ZNF510: variants seen among roughly 807,000 people sequenced by gnomAD.
ZNF510 encodes the protein zinc finger protein 510.
Under a neutral mutation model 18.1 loss-of-function variants are expected in ZNF510, and 15 were observed. The observed-to-expected ratio is 0.83, with a 90% CI of 0.55 to 1.28. The LOEUF (loss-of-function observed/expected upper bound fraction) is 1.28. Among genes scored for constraint, ZNF510 ranks in the 50% most tolerant of loss-of-function variants. ZNF510 has a pLI of 0.00. For missense variants in ZNF510, 724 were observed against 791.8 expected (o/e 0.91, Z 1.03); for synonymous variants, 261 against 266.4 (o/e 0.98, Z 0.20).
chr9:96,760,940 CATT>C lies in ZNF510; in HGVS notation c.353-466_353-464del, dbSNP rs201506970. On this transcript the variant is annotated intron_variant, in intron 5 of 5. Transcript: ENST00000223428. ...AAGTAAATTACAGTCTAGGTCTTGA[CATT>C]ATCTAGATTATAATGGTTAGAATAG... Among the ~76,000 whole-genome samples the C allele has an allele frequency of 5.2e-3, 796 of 152,212 alleles. 10 individuals carry two copies. Among genetic ancestry groups the C allele is most frequent in the African/African-American group, 0.017 (700 of 41,524 alleles).
At chr9:96,768,689 G>T (rs565229967) in intron 3 of ZNF510, among the ~76,000 whole-genome samples, 1 of 152,236 alleles carries the variant, frequency 6.6e-6, no homozygotes, top group South Asian at 2.1e-4. Flanking sequence ...GAAGAAATCA[G>T]AGGACCCAAA....
chr9:96,770,613 ATAT>A (rs1275111936), intron 3 of ZNF510, among the ~76,000 whole-genome samples: 1 of 125,908 alleles, frequency 7.9e-6, no homozygotes, highest in African/African-American at 4.5e-5. Flanking sequence ...CAAAAAAAAA[ATAT>A]ATATATATAT....
intron 3 of ZNF510, among the ~76,000 whole-genome samples, chr9:96,769,018 A>G (rs1291014814): frequency 1.3e-5 from 2 of 152,256 alleles, no homozygotes; most frequent in Admixed American, 1.3e-4. Context: ...CTGAGAGCCC[A>G]GAAATAAACC....
intron 3 of ZNF510, among the ~76,000 whole-genome samples, chr9:96,770,612 A>ATAT (rs1491249123): frequency 2.2e-5 from 3 of 133,770 alleles, no homozygotes; most frequent in Non-Finnish European, 1.5e-5. Flanking sequence ...TCAAAAAAAA[A>ATAT]ATATATATAT....
chr9:96,770,445 T>C (rs1040292874), intron 3 of ZNF510, among the ~76,000 whole-genome samples: 7 of 134,190 alleles, frequency 5.2e-5, no homozygotes, highest in Non-Finnish European at 1.1e-4. Context: ...AAAAAAAAAA[T>C]AGAAAAATTA....
At position 96,778,065 on chromosome 9, in the gene ZNF510, C is replaced by CT. The variant is rs1368700017; in HGVS notation, c.-209dup. Reference sequence around the variant, plus strand: ...TGCGAACCCTCTGCACCAGCAAACACTAACAGGGAGAAGCCGGAAAGTGGG... The same window carrying CT: ...TGCGAACCCTCTGCACCAGCAAACACTTAACAGGGAGAAGCCGGAAAGTGGG... On this transcript the variant is annotated 5_prime_UTR_variant, in exon 1 of 6. Transcript: ENST00000223428. 1 of 152,324 alleles carries CT rather than the reference C, an allele frequency of 6.6e-6. No individual in the cohort carries two copies. The highest frequency in any genetic ancestry group is 6.5e-5 in the Admixed American group (1 of 15,286). The allele number at this position is 152,324 out of a possible 1,614,324, so 9.4% of individuals were successfully genotyped here.
At chr9:96,764,628 G>A (rs112719549) in intron 3 of ZNF510, among the ~76,000 whole-genome samples, 2,806 of 151,932 alleles carry the variant, frequency 0.018, 79 homozygotes, top group African/African-American at 0.063. Flanking sequence ...CCATTCTCTG[G>A]ACTAAATAAT....
intron 3 of ZNF510, among the ~76,000 whole-genome samples, chr9:96,767,514 G>A (rs1849500890): frequency 6.6e-6 from 1 of 151,844 alleles, no homozygotes; most frequent in Non-Finnish European, 1.5e-5. Context: ...TATCCTAATT[G>A]TATACTTTAA....
intron 2 of ZNF510, 137 bp from the exon 3 acceptor site, chr9:96,774,983 C>T: frequency 1.5e-6 from 1 of 647,630 alleles, no homozygotes; most frequent in South Asian, 2.0e-5. Context: ...ACAAGCAGCA[C>T]TACAGAGAAA....
chr9:96,760,656 A>G (rs964418425), intron 5 of ZNF510, among the ~76,000 whole-genome samples, 179 bp from the exon 6 acceptor site: 1 of 152,260 alleles, frequency 6.6e-6, no homozygotes, highest in Middle Eastern at 3.4e-3. Flanking sequence ...TAATATTGAT[A>G]TAGTGCAAAT....
intron 3 of ZNF510, among the ~76,000 whole-genome samples, chr9:96,773,253 G>C (rs1849620927): frequency 6.6e-6 from 1 of 152,100 alleles, no homozygotes. Context: ...AATCCATCCA[G>C]TTACACACTT....
rs1306956641 is a variant in ZNF510 at position 96,755,329 on chromosome 9, C to T, written c.*3449G>A. On this transcript the variant is annotated 3_prime_UTR_variant, in exon 6 of 6. Transcript: ENST00000223428. The stretch of plus-strand genomic sequence containing the variant: ...TAAAAAAAGTTTAAAGACAGACTTG[C>T]TTTATATTAGGAAGTATTACAAAAA... Among the ~76,000 whole-genome samples the T allele has an allele frequency of 1.3e-5, 2 of 152,150 alleles. No individual in the cohort carries two copies. The highest frequency in any genetic ancestry group is 4.8e-5 in the African/African-American group (2 of 41,444).
intron 3 of ZNF510, among the ~76,000 whole-genome samples, chr9:96,771,327 A>G (rs1328286802): frequency 6.6e-6 from 1 of 152,140 alleles, no homozygotes; most frequent in Non-Finnish European, 1.5e-5. Flanking sequence ...AACATTGATA[A>G]ATCTATCAAT....
rs754036830 is a variant in ZNF510 at position 96,759,940 on chromosome 9, AAG to A, written c.888_889del (p.Phe297Ter). The A allele has an allele frequency of 2.5e-5, 41 of 1,613,296 alleles. No homozygotes were observed. The highest frequency in any genetic ancestry group is 3.3e-5 in the Non-Finnish European group (39 of 1,179,974). Reference sequence around the variant, plus strand: ...CCCTGTGCCAGTTCTCCTGTGGTCAAAGAGAGTTTTCTTATCACAATTTTTCC... The same window carrying A: ...CCCTGTGCCAGTTCTCCTGTGGTCAAAGAGTTTTCTTATCACAATTTTTCC... On this transcript the variant is annotated frameshift_variant, in exon 6 of 6. Transcript: ENST00000223428. LOFTEE classifies it low-confidence loss of function (END_TRUNC).
At chr9:96,768,501 C>T (rs889027843) in intron 3 of ZNF510, among the ~76,000 whole-genome samples, 2 of 152,102 alleles carry the variant, frequency 1.3e-5, no homozygotes, top group Admixed American at 6.5e-5. Context: ...TAAATGAATT[C>T]ATCAAAATTG....
rs551373832 is a variant in ZNF510, at chr9:96,756,999, G to C, written c.*1779C>G. 1 of 152,320 alleles carries C rather than the reference G, an allele frequency of 6.6e-6. No homozygotes were observed. The highest frequency in any genetic ancestry group is 1.9e-4 in the East Asian group (1 of 5,178). 9.4% of individuals were successfully genotyped at this position (152,320 alleles called of 1,614,324 possible). A position where few individuals can be genotyped will look rare whatever the true frequency, so the allele number is the denominator to read the frequency against. On this transcript the variant is annotated 3_prime_UTR_variant, in exon 6 of 6. Coordinates refer to ENST00000223428, the MANE Select transcript of ZNF510 (RefSeq NM_014930.3). ...ACTTTCAGATGTAAACATAACTGTA[G>C]TATACTCTACTGGCCCAAAGTACCT... is the stretch of plus-strand genomic sequence containing the variant.
chr9:96,763,428 T>C (rs745722867), intron 4 of ZNF510, 78 bp downstream of exon 4: 135 of 1,487,718 alleles, frequency 9.1e-5, no homozygotes, highest in Non-Finnish European at 1.2e-4. Context: ...TTAAGTAAAT[T>C]GTTCACATGT....
At chr9:96,760,707 T>C (rs1336145698) in intron 5 of ZNF510, among the ~76,000 whole-genome samples, 3 of 151,980 alleles carry the variant, frequency 2.0e-5, no homozygotes, top group Non-Finnish European at 2.9e-5. Context: ...TTGCATGTGA[T>C]TAGTAAGATT....
In ZNF510 at chr9:96,759,198, G is replaced by T. The variant is rs148296433; in HGVS notation, c.1632C>A (p.Tyr544Ter). ...AGGATTTTTCACATTCATTACACTG[G>T]TAAGTTTTCTCCCCAGTGTGAGTTC... ...HQRTHTGEKTYQCNECEKSFW... is the reference protein window; with the variant it reads ...HQRTHTGEKT Residue 544 changes from tyrosine to a stop codon, truncating the protein, a stop_gained, in exon 6 of 6, where the codon TAC becomes TAA. Transcript: ENST00000223428. LOFTEE classifies it low-confidence loss of function (END_TRUNC). The T allele has an allele frequency of 6.8e-5, 110 of 1,612,574 alleles. No individual in the cohort carries two copies. In the African/African-American group the frequency reaches 1.1e-3, roughly 16 times the overall value.
Sources: allele counts gnomAD v4.1 joint callset (sites outside exome capture counted in the v4.1 genomes callset), GRCh38; gene constraint gnomAD v4.1.1; transcripts MANE v1.5; gene names NCBI Gene and HGNC (gene_info 2026-07-23, HGNC 2026-07-21).